Variants in TRIOBP observed in about 807,000 individuals in gnomAD.
TRIOBP encodes the protein TRIO and F-actin binding protein.
A neutral mutation model predicts 238.8 loss-of-function variants in TRIOBP; 169 were observed. That is an observed-to-expected ratio of 0.71 (90% CI 0.62 to 0.80). The LOEUF is 0.80. Among genes scored for constraint, TRIOBP ranks in the 30% least tolerant of loss-of-function variants. The pLI is 0.00. For synonymous variants in TRIOBP, 1,150 were observed against 1,274.4 expected (o/e 0.90, Z 2.08); for missense variants, 2,838 against 3,122.6 (o/e 0.91, Z 2.17).
intron 3 of TRIOBP, among the ~76,000 whole-genome samples, chr22:37,703,223 T>C (rs1922751088): frequency 6.6e-6 from 1 of 152,012 alleles, no homozygotes; most frequent in South Asian, 2.1e-4. Context: ...CTCGAACTCC[T>C]GACCTTGTGA....
intron 15 of TRIOBP, among the ~76,000 whole-genome samples, chr22:37,755,888 T>TCTC (rs1188445714): frequency 1.6e-4 from 24 of 152,220 alleles, no homozygotes; most frequent in Non-Finnish European, 2.9e-4. Context: ...TTGGAGGAGA[T>TCTC]GCCTGTGAGT....
At chr22:37,713,843 T>C (rs1206382304) in intron 5 of TRIOBP, among the ~76,000 whole-genome samples, 1 of 152,212 alleles carries the variant, frequency 6.6e-6, no homozygotes, top group African/African-American at 2.4e-5. Flanking sequence ...GGGAGCAGGC[T>C]GCGGGGGTCA....
chr22:37,765,596 C>G, intron 17 of TRIOBP, 74 bp from the exon 18 acceptor site: 1 of 1,542,788 alleles, frequency 6.5e-7, no homozygotes, highest in Non-Finnish European at 8.7e-7. Flanking sequence ...TGAGCCTTCT[C>G]CTCTGGAGGC....
At chr22:37,720,739 C>T (rs1437186294) in intron 6 of TRIOBP, among the ~76,000 whole-genome samples, 1 of 152,172 alleles carries the variant, frequency 6.6e-6, no homozygotes, top group Admixed American at 6.5e-5. Context: ...TCTCCAACTC[C>T]TGGGCTCAAG....
chr22:37,776,405 C>G lies in TRIOBP; in HGVS notation c.*2625C>G, dbSNP rs903580859. ...CTCATCAAGTTAAATACGCATCTAC[C>G]CTATGGCCTAGCATTTCCACTCTTG... On this transcript the variant is annotated 3_prime_UTR_variant, in exon 24 of 24. Coordinates refer to ENST00000644935, the MANE Select transcript of TRIOBP (RefSeq NM_001039141.3). The G allele has an allele frequency of 1.3e-5, 2 of 152,176 alleles. No homozygotes were observed. The highest frequency in any genetic ancestry group is 4.8e-5 in the African/African-American group (2 of 41,428). The allele number at this position is 152,176 out of a possible 1,614,324, so 9.4% of individuals were successfully genotyped here. A position where few individuals can be genotyped will look rare whatever the true frequency, so the allele number is the denominator to read the frequency against.
chr22:37,727,806 G>T (rs36033780), intron 7 of TRIOBP, among the ~76,000 whole-genome samples: 6,317 of 152,290 alleles, frequency 0.041, 179 homozygotes, highest in Non-Finnish European at 0.063. Flanking sequence ...TTGGTCAGCA[G>T]CACTGGCCCC....
rs752167697 is a variant in TRIOBP at position 37,755,596 on chromosome 22, G to A, written c.5624G>A (p.Arg1875Gln). 3.1e-6 allele frequency: 5 copies of A among 1,614,076 alleles called. No individual in the cohort carries two copies. The highest frequency in any genetic ancestry group is 4.5e-5 in the East Asian group (2 of 44,882). Residue 1875 changes from arginine (R) to glutamine (Q), a missense_variant, in exon 15 of 24, where the codon CGG becomes CAG. Coordinates refer to ENST00000644935, the MANE Select transcript of TRIOBP (RefSeq NM_001039141.3). Reference sequence around the variant, plus strand: ...TTGTCGGCCATGACCTCAGGCATCCGGCGGAACTGGATCGAGGCTCTGAGA... The same window carrying A: ...TTGTCGGCCATGACCTCAGGCATCCAGCGGAACTGGATCGAGGCTCTGAGA... ...YTLSAMTSGI[R>Q]RNWIEALRKT...
chr22:37,710,663 A>C, intron 4 of TRIOBP, 97 bp downstream of exon 4: 1 of 1,478,696 alleles, frequency 6.8e-7, no homozygotes. Flanking sequence ...CCTGTCTCTA[A>C]TGGCTGCTGG....
intron 6 of TRIOBP, among the ~76,000 whole-genome samples, chr22:37,717,512 G>A (rs1465927576): frequency 6.6e-6 from 1 of 152,092 alleles, no homozygotes; most frequent in African/African-American, 2.4e-5. Context: ...TACAATCCCT[G>A]AGCTTGACAC....
In TRIOBP at chr22:37,701,400, A is replaced by C; in HGVS notation, c.35A>C (p.His12Pro). ...GTGCCTGGGGATGCCCTGTGTGAACACTTTGAGGCCAACATACTTACCCAG... is the reference window on the plus strand; with the variant it reads ...GTGCCTGGGGATGCCCTGTGTGAACCCTTTGAGGCCAACATACTTACCCAG... Reference protein sequence around the residue: ...EEVPGDALCEHFEANILTQNR... With the variant: ...EEVPGDALCEPFEANILTQNR... The change falls in exon 3 of 24, where the codon CAC becomes CCC. Residue 12 changes from histidine (H) to proline (P), a missense_variant. Physicochemically the swap from His to Pro is moderately conservative, Grantham distance 77 (BLOSUM62 -2). Coordinates refer to ENST00000644935, the MANE Select transcript of TRIOBP (RefSeq NM_001039141.3). 6.2e-7 allele frequency: 1 copy of C among 1,613,850 alleles called. No individual in the cohort carries two copies. Among genetic ancestry groups the C allele is most frequent in the Non-Finnish European group, 8.5e-7 (1 of 1,179,954 alleles).
chr22:37,724,489 CAA>C lies in TRIOBP; in HGVS notation c.1934_1935del (p.Gln645ArgfsTer19), dbSNP rs1569041042. 6.2e-7 allele frequency: 1 copy of C among 1,611,280 alleles called. No individual in the cohort carries two copies. The highest frequency in any genetic ancestry group is 1.3e-5 in the African/African-American group (1 of 74,424). On this transcript the variant is annotated frameshift_variant, in exon 7 of 24. Coordinates refer to ENST00000644935, the MANE Select transcript of TRIOBP (RefSeq NM_001039141.3). LOFTEE classifies it high-confidence loss of function. ...CTCCTCTCCCAACAGAACCACCCAA[CAA>C]GACAGCCCCAGAACATCCTGTGCCC... ...RASSPNRTTQ[Q>X]DSPRTSCARR...
At position 37,725,677 on chromosome 22, in the gene TRIOBP, T is replaced by A; in HGVS notation, c.3121T>A (p.Phe1041Ile). ...RYLQHDPFPF[F>I]PEPRAPESEP... ...TTTGCAGCACGACCCCTTCCCCTTC[T>A]TCCCAGAGCCCCGCGCCCCTGAGAG... The change falls in exon 7 of 24, where the codon TTC (phenylalanine) becomes ATC (isoleucine). Residue 1041 changes from phenylalanine (F) to isoleucine (I), a missense_variant. Physicochemically the swap from Phe to Ile is conservative, Grantham distance 21. Coordinates refer to ENST00000644935, the MANE Select transcript of TRIOBP (RefSeq NM_001039141.3). 6.2e-7 allele frequency: 1 copy of A among 1,606,436 alleles called. No homozygotes were observed. The highest frequency in any genetic ancestry group is 8.5e-7 in the Non-Finnish European group (1 of 1,177,320).
rs752815538 is a variant in TRIOBP, at chr22:37,725,910, T to G, written c.3354T>G (p.Asp1118Glu). The G allele has an allele frequency of 6.2e-7, 1 of 1,613,352 alleles. No individual in the cohort carries two copies. Among genetic ancestry groups the G allele is most frequent in the Non-Finnish European group, 8.5e-7 (1 of 1,179,846 alleles). The change falls in exon 7 of 24, where the codon GAT (aspartate) becomes GAG (glutamate). Residue 1118 changes from aspartate (D) to glutamate (E), a missense_variant. By Grantham distance (45) the Asp-to-Glu change is conservative. Around this residue, in one of 5 missense-constraint regions of TRIOBP, gnomAD observed 2,096 missense variants for 2,137.4 expected, o/e 0.98. Coordinates refer to ENST00000644935, the MANE Select transcript of TRIOBP (RefSeq NM_001039141.3). ...LPAPVCIGYRDAPRASSPPRQ... is the reference protein window; with the variant it reads ...LPAPVCIGYREAPRASSPPRQ... ...CACCTGTGTGTATTGGGTACCGAGA[T>G]GCACCCCGGGCCTCCTCCCCACCAC...
At position 37,716,381 on chromosome 22, in the gene TRIOBP, G is replaced by A. The variant is rs573125660; in HGVS notation, c.628+447G>A. On this transcript the variant is annotated intron_variant, in intron 6 of 23. Coordinates refer to ENST00000644935, the MANE Select transcript of TRIOBP (RefSeq NM_001039141.3). ...CCCATCTTGGCCTCCTAAATTGCCGGGATTACAGGCGTGATTACAGGCACG... is the reference window on the plus strand; with the variant it reads ...CCCATCTTGGCCTCCTAAATTGCCGAGATTACAGGCGTGATTACAGGCACG... 2.6e-5 allele frequency among the ~76,000 whole-genome samples: 4 copies of A among 151,802 alleles called. No homozygotes were observed. In the South Asian group the frequency reaches 8.3e-4, roughly 32 times the overall value.
intron 3 of TRIOBP, among the ~76,000 whole-genome samples, chr22:37,707,264 G>A (rs1002808077): frequency 6.6e-6 from 1 of 151,836 alleles, no homozygotes; most frequent in East Asian, 1.9e-4. Context: ...CGACAAGAGC[G>A]AAAAACTCCA....
At chr22:37,752,709 G>A (rs560484456) in intron 12 of TRIOBP, among the ~76,000 whole-genome samples, 1 of 152,300 alleles carries the variant, frequency 6.6e-6, no homozygotes, top group South Asian at 2.1e-4. Flanking sequence ...CACAAAGCCC[G>A]GCACCCCGCC....
chr22:37,707,053 A>T (rs1245046706), intron 3 of TRIOBP, among the ~76,000 whole-genome samples: 1 of 152,168 alleles, frequency 6.6e-6, no homozygotes, highest in Non-Finnish European at 1.5e-5. Flanking sequence ...GGATCACTTG[A>T]GGTCAGGAGT....
At chr22:37,699,943 C>T (rs1447659620) in intron 2 of TRIOBP, among the ~76,000 whole-genome samples, 1 of 151,620 alleles carries the variant, frequency 6.6e-6, no homozygotes, top group Admixed American at 6.6e-5. Context: ...AAGTGGCGTG[C>T]TCTCCGCTCA....
At chr22:37,700,551 G>C (rs1414484947) in intron 2 of TRIOBP, among the ~76,000 whole-genome samples, 2 of 151,802 alleles carry the variant, frequency 1.3e-5, no homozygotes, top group Non-Finnish European at 2.9e-5. Context: ...TGAGTAGCAG[G>C]GACCACAGGC....
Sources: gnomAD v4.1 joint callset for allele counts (sites outside exome capture counted in the v4.1 genomes callset) on GRCh38, gnomAD v4.1.1 for gene constraint, gnomAD v4.1.1 regional missense constraint, MANE v1.5 for transcripts, NCBI Gene and HGNC (gene_info 2026-07-23, HGNC 2026-07-21) for gene names.